The following ESRRG variants were observed in gnomAD, a reference collection of about 807,000 sequenced individuals.
ESRRG encodes estrogen-related receptor gamma.
ESRRG carries 13 observed loss-of-function variants against 44.0 expected under a neutral mutation model. The observed-to-expected ratio is 0.30, with a 90% CI of 0.19 to 0.47. ESRRG has a LOEUF of 0.47. Among genes scored for constraint, ESRRG ranks in the 20% least tolerant of loss-of-function variants. ESRRG has a pLI of 1.00. For missense variants in ESRRG, 395 were observed against 580.6 expected, an observed-to-expected ratio of 0.68 and a Z score of 3.29; for synonymous variants, 215 against 214.6, an observed-to-expected ratio of 1.00 and a Z score of -0.02.
At chr1:216,723,437 C>T, upstream of ESRRG, 1 of 743,000 alleles carries the variant, frequency 1.3e-6, no homozygotes, top group East Asian at 2.6e-5. Flanking sequence ...CTCTCACACT[C>T]TCCTAATCAA....
intron 2 of ESRRG, chr1:216,936,558 ATACT>A (rs2064181227): frequency 6.6e-6 from 1 of 152,124 alleles, no homozygotes; most frequent in Non-Finnish European, 1.5e-5. Context: ...GCCAGACCAT[ATACT>A]TACTTTATGT....
At chr1:217,134,397 T>G (rs2093017866) in intron 1 of ESRRG, among the ~76,000 whole-genome samples, 2 of 152,172 alleles carry the variant, frequency 1.3e-5, no homozygotes. Flanking sequence ...CCTAAGAAGT[T>G]GATCTCGATG....
At chr1:217,114,401 G>C (rs904547646) in intron 1 of ESRRG, among the ~76,000 whole-genome samples, 2 of 151,824 alleles carry the variant, frequency 1.3e-5, no homozygotes, top group Non-Finnish European at 2.9e-5. Context: ...TTTGGACACG[G>C]CTGAAAAAAA....
At chr1:217,131,653 T>C (rs892386467) in intron 1 of ESRRG, among the ~76,000 whole-genome samples, 2 of 152,236 alleles carry the variant, frequency 1.3e-5, no homozygotes, top group Admixed American at 1.3e-4. Context: ...TTGGAGGTTG[T>C]ATACGTATTC....
chr1:216,588,850 C>T (rs72737319), intron 3 of ESRRG, among the ~76,000 whole-genome samples: 30,394 of 152,154 alleles, frequency 0.2, 3,798 homozygotes, highest in Non-Finnish European at 0.28. Flanking sequence ...CCAAAACAAG[C>T]GCTTTGGGAA....
chr1:217,046,472 T>C (rs1580032172), intron 1 of ESRRG, among the ~76,000 whole-genome samples: 2 of 152,336 alleles, frequency 1.3e-5, no homozygotes, highest in African/African-American at 2.4e-5. Flanking sequence ...AATCTTCTAA[T>C]TATTTAGCTC....
chr1:216,939,237 A>G (rs2064707652), intron 2 of ESRRG, among the ~76,000 whole-genome samples: 1 of 150,922 alleles, frequency 6.6e-6, no homozygotes. Context: ...ACTGGTCAGT[A>G]TAGTGAATCA....
chr1:216,678,028 T>C (rs1289488554), intron 1 of ESRRG, among the ~76,000 whole-genome samples: 1 of 152,218 alleles, frequency 6.6e-6, no homozygotes, highest in African/African-American at 2.4e-5. Context: ...GATCCTCAGC[T>C]CTGTAATTAC....
chr1:216,612,538 C>A (rs1350291639), intron 3 of ESRRG, among the ~76,000 whole-genome samples: 1 of 152,192 alleles, frequency 6.6e-6, no homozygotes, highest in African/African-American at 2.4e-5. Context: ...CTCCACCCCC[C>A]TCCTTTCTTG....
intron 2 of ESRRG, among the ~76,000 whole-genome samples, chr1:216,737,777 T>TAA (rs71817414): frequency 1.4e-5 from 2 of 147,658 alleles, no homozygotes; most frequent in Non-Finnish European, 3.0e-5. Context: ...AAGAAGGGAT[T>TAA]AAAAAAAAAA....
intron 1 of ESRRG, among the ~76,000 whole-genome samples, chr1:217,130,150 C>A (rs2092945376): frequency 6.6e-6 from 1 of 152,178 alleles, no homozygotes. Flanking sequence ...CCCTTTATTT[C>A]ATTGTGCCAC....
At chr1:216,761,274 C>T (rs1352663464) in intron 2 of ESRRG, among the ~76,000 whole-genome samples, 2 of 151,570 alleles carry the variant, frequency 1.3e-5, no homozygotes, top group African/African-American at 2.4e-5. Flanking sequence ...TCTAGATCTT[C>T]TAGAGTCAGC....
Position 216,758,199 on chromosome 1 carries a change from G to A in ESRRG, c.-13-80708C>T, listed in dbSNP as rs1414748854. 4.6e-5 allele frequency among the ~76,000 whole-genome samples: 7 copies of A among 152,000 alleles called. No individual in the cohort carries two copies. In the South Asian group the frequency reaches 1.2e-3, roughly 27 times the overall value. ...TCACCTCCAATAGAATATTGTAAGA[G>A]CCTCAAAATGAAGCACTTATGAGTT... On this transcript the variant is annotated intron_variant, in intron 2 of 7. Coordinates refer to the ESRRG transcript ENST00000359162.
At chr1:217,005,262 T>C (rs1270747119) in intron 1 of ESRRG, among the ~76,000 whole-genome samples, 1 of 152,130 alleles carries the variant, frequency 6.6e-6, no homozygotes, top group East Asian at 1.9e-4. Context: ...ACCACCTCCT[T>C]TGAAGGACAA....
intron 2 of ESRRG, among the ~76,000 whole-genome samples, chr1:216,667,154 C>A (rs1347522581): frequency 6.6e-6 from 1 of 152,154 alleles, no homozygotes; most frequent in Non-Finnish European, 1.5e-5. Flanking sequence ...TCCGAGGACA[C>A]TAGCTCAGGA....
In ESRRG at chr1:216,799,730, G is replaced by A. The variant is rs1655946568; in HGVS notation, c.-13-122239C>T. Among the ~76,000 whole-genome samples the A allele has an allele frequency of 2.0e-5, 3 of 152,176 alleles. No homozygotes were observed. The Middle Eastern group carries it at 0.01, about 518-fold the overall frequency. ...GGTTTGCAAAATCTTACAAACCAAG[G>A]GGACAAAATTTTGCTTCTACCAATC... On this transcript the variant is annotated intron_variant, in intron 2 of 7. Coordinates refer to the ESRRG transcript ENST00000359162.
intron 2 of ESRRG, among the ~76,000 whole-genome samples, chr1:216,884,562 C>A (rs1158642940): frequency 2.0e-5 from 3 of 152,158 alleles, no homozygotes; most frequent in Non-Finnish European, 1.5e-5. Context: ...CAGAGGCCTT[C>A]AAAACTTCTC....
chr1:216,677,251 T>G lies in ESRRG; in HGVS notation c.297A>C (p.Lys99Asn). 1 of 1,614,126 alleles carries G rather than the reference T, an allele frequency of 6.2e-7. No individual in the cohort carries two copies. The highest frequency in any genetic ancestry group is 8.5e-7 in the Non-Finnish European group (1 of 1,180,024). ...TGGTGCTGGAGCAGTCATCATACAGTTTCCTGACAGGCCCACTACCTCCCA... is the reference window on the plus strand; with the variant it reads ...TGGTGCTGGAGCAGTCATCATACAGGTTCCTGACAGGCCCACTACCTCCCA... ...PILGGSGPVR[K>N]LYDDCSSTIV... is the part of the protein sequence containing the mutation. The change falls in exon 2 of 7, where the codon AAA becomes AAC. Residue 99 changes from lysine (K) to asparagine (N), a missense_variant. This residue lies in a region of ESRRG where 148 missense variants were observed against 150.4 expected (regional missense o/e 0.98). Transcript: ENST00000408911.
chr1:216,731,190 T>A (rs2088697311), intron 2 of ESRRG, among the ~76,000 whole-genome samples: 1 of 152,196 alleles, frequency 6.6e-6, no homozygotes, highest in African/African-American at 2.4e-5. Flanking sequence ...AACATAAAAA[T>A]TTCTGTATTA....
Sources: allele counts gnomAD v4.1 joint callset (sites outside exome capture counted in the v4.1 genomes callset), GRCh38; gene constraint gnomAD v4.1.1; regional missense constraint gnomAD v4.1.1; transcripts MANE v1.5; gene names NCBI Gene and HGNC (gene_info 2026-07-23, HGNC 2026-07-21).